ERICH6: variants seen among roughly 807,000 people sequenced by gnomAD.
ERICH6 encodes the protein glutamate rich 6.
Under a neutral mutation model 71.0 loss-of-function variants are expected in ERICH6, and 71 were observed. The ratio of observed to expected loss-of-function variants is 1.00; its 90% CI spans 0.83 to 1.22. ERICH6 has a LOEUF of 1.22. Among genes scored for constraint, ERICH6 ranks in the 50% most tolerant of loss-of-function variants. The pLI is 0.00. For synonymous variants in ERICH6, 262 were observed against 278.4 expected, an observed-to-expected ratio of 0.94 and a Z score of 0.59; for missense variants, 808 against 797.2, an observed-to-expected ratio of 1.01 and a Z score of -0.16.
At position 150,682,266 on chromosome 3, in the gene ERICH6, T is replaced by C. The variant is rs367591125; in HGVS notation, c.834A>G (p.Leu278=). The C allele has an allele frequency of 6.8e-6, 11 of 1,613,770 alleles. No homozygotes were observed. The African/African-American group carries it at 1.2e-4, about 18-fold the overall frequency. The part of the protein sequence containing the change: ...SPKCEFCGSD[L]RAFFSNVDVS... ...CATCCACATTAGAAAAAAATGCTCT[T>C]AGATCGCTGCCACAAAATTCACATT... is the stretch of plus-strand genomic sequence containing the variant. The change falls in exon 7 of 14, where the codon CTA becomes CTG. Residue 278 remains leucine, a synonymous_variant. Transcript: ENST00000295910.
At position 150,685,795 on chromosome 3, in the gene ERICH6, G is replaced by A; in HGVS notation, c.730C>T (p.Pro244Ser). 1 of 1,614,064 alleles carries A rather than the reference G, an allele frequency of 6.2e-7. No individual in the cohort carries two copies. The highest frequency in any genetic ancestry group is 8.5e-7 in the Non-Finnish European group (1 of 1,180,018). The part of the protein sequence containing the change: ...SLRTLPSIGP[P>S]SILAYKEESS... ...TCTTCTTTGTATGCCAGAATGGATG[G>A]TGGTCCGATGCTGGGTAACGTTCTT... Residue 244 changes from proline to serine, a missense_variant, in exon 6 of 14, where the codon CCA (proline) becomes TCA (serine). Physicochemically the swap from Pro to Ser is moderately conservative, Grantham distance 74. Around this residue, in one of 3 missense-constraint regions of ERICH6, gnomAD observed 736 missense variants for 712.2 expected, o/e 1.03. Coordinates refer to ENST00000295910, the MANE Select transcript of ERICH6 (RefSeq NM_152394.5).
At chr3:150,666,686 A>G in intron 13 of ERICH6, 101 bp downstream of exon 13, 1 of 1,007,900 alleles carries the variant, frequency 9.9e-7, no homozygotes, top group South Asian at 1.7e-5. Context: ...TGGACAGTAG[A>G]TTATGCACTA....
intron 11 of ERICH6, among the ~76,000 whole-genome samples, chr3:150,672,797 G>A (rs574830800): frequency 5.3e-5 from 8 of 151,000 alleles, no homozygotes; most frequent in Non-Finnish European, 1.2e-4. Context: ...GACTGGGGTG[G>A]GAGGATCGCT....
intron 13 of ERICH6, among the ~76,000 whole-genome samples, chr3:150,665,689 T>G (rs987323863): frequency 6.6e-6 from 1 of 150,644 alleles, no homozygotes; most frequent in African/African-American, 2.4e-5. Context: ...TAGCCGGGCA[T>G]GGTGGTGGGC....
At chr3:150,667,116 C>G in intron 12 of ERICH6, 101 bp from the exon 13 acceptor site, 1 of 1,080,032 alleles carries the variant, frequency 9.3e-7, no homozygotes, top group Non-Finnish European at 1.4e-6. Context: ...ACGGTTTATG[C>G]CAGCGATTAG....
At chr3:150,676,689 C>T (rs972342235) in intron 10 of ERICH6, among the ~76,000 whole-genome samples, 2 of 152,114 alleles carry the variant, frequency 1.3e-5, no homozygotes, top group African/African-American at 4.8e-5. Context: ...GTCACCCAGG[C>T]TGGAGTGCAT....
Position 150,673,992 on chromosome 3 carries a change from A to C in ERICH6, c.1307T>G (p.Phe436Cys). The C allele has an allele frequency of 6.2e-7, 1 of 1,614,140 alleles. No homozygotes were observed. The highest frequency in any genetic ancestry group is 1.1e-5 in the South Asian group (1 of 91,070). The part of the protein sequence containing the change: ...LEKHYKHGSK[F>C]LTSFPDGTTQ... Reference sequence around the variant, plus strand: ...TGTCCCATCTGGAAATGAAGTCAGAAACTTGCTCCCATGTTTGTAGTGCTT... The same window carrying C: ...TGTCCCATCTGGAAATGAAGTCAGACACTTGCTCCCATGTTTGTAGTGCTT... Residue 436 changes from phenylalanine (F) to cysteine (C), a missense_variant, in exon 11 of 14, where the codon TTT (phenylalanine) becomes TGT (cysteine). Transcript: ENST00000295910.
Position 150,680,486 on chromosome 3 carries a change from T to C in ERICH6, c.1093A>G (p.Thr365Ala), listed in dbSNP as rs1711863557. Residue 365 changes from threonine (T) to alanine (A), a missense_variant, in exon 9 of 14, where the codon ACT (threonine) becomes GCT (alanine). Physicochemically the swap from Thr to Ala is moderately conservative, Grantham distance 58 (BLOSUM62 0). This residue lies in a region of ERICH6 where 736 missense variants were observed against 712.2 expected (regional missense o/e 1.03). Transcript: ENST00000295910. ...RHFAIISREQ[T>A]HFSEDDSKRL... ...AACTCACCATCTTCAGAGAAATGAG[T>C]CTGTTCCCTTGATATTATTGCAAAA... 17 of 1,614,186 alleles carry C rather than the reference T, an allele frequency of 1.1e-5. No individual in the cohort carries two copies. Among genetic ancestry groups the C allele is most frequent in the Non-Finnish European group, 1.4e-5 (17 of 1,180,026 alleles).
intron 13 of ERICH6, among the ~76,000 whole-genome samples, chr3:150,663,606 C>T (rs1391452071): frequency 6.6e-6 from 1 of 152,130 alleles, no homozygotes; most frequent in African/African-American, 2.4e-5. Flanking sequence ...TCCCAGATAG[C>T]TGAGACCACA....
intron 10 of ERICH6, among the ~76,000 whole-genome samples, chr3:150,674,554 T>G (rs1358467902): frequency 6.6e-6 from 1 of 152,190 alleles, no homozygotes; most frequent in Non-Finnish European, 1.5e-5. Context: ...TTCAAGAGTG[T>G]TTTGGTTACT....
At chr3:150,672,056 G>T (rs2108047005) in intron 11 of ERICH6, among the ~76,000 whole-genome samples, 1 of 152,024 alleles carries the variant, frequency 6.6e-6, no homozygotes, top group East Asian at 1.9e-4. Flanking sequence ...CAGTAATAGG[G>T]GATAGGTTAA....
intron 13 of ERICH6, among the ~76,000 whole-genome samples, chr3:150,661,603 G>T (rs1365064990): frequency 6.6e-6 from 1 of 152,164 alleles, no homozygotes; most frequent in Non-Finnish European, 1.5e-5. Flanking sequence ...TTTTCCGAGG[G>T]ACTTGAGAGA....
intron 3 of ERICH6, among the ~76,000 whole-genome samples, chr3:150,693,708 A>C (rs1712540423): frequency 6.6e-6 from 1 of 152,244 alleles, no homozygotes; most frequent in South Asian, 2.1e-4. Flanking sequence ...TCTTTAGTAA[A>C]AATGGGAAAC....
At chr3:150,670,481 CAAA>C (rs542493653) in intron 11 of ERICH6, among the ~76,000 whole-genome samples, 4 of 45,180 alleles carry the variant, frequency 8.9e-5, no homozygotes, top group Admixed American at 2.5e-4. Context: ...GACTCCATCT[CAAA>C]AAAAAAAAAA....
chr3:150,686,217 G>C (rs1037206080), intron 4 of ERICH6, 81 bp downstream of exon 4: 7 of 1,493,896 alleles, frequency 4.7e-6, no homozygotes, highest in Non-Finnish European at 6.5e-6. Flanking sequence ...AAAGCAGATG[G>C]GCTCTGTGCG....
intron 2 of ERICH6, among the ~76,000 whole-genome samples, chr3:150,700,340 A>T (rs1468483567): frequency 9.4e-6 from 1 of 106,206 alleles, no homozygotes; most frequent in Non-Finnish European, 2.0e-5. Flanking sequence ...GTTTTTATTT[A>T]TTTTTTTATT....
chr3:150,702,000 C>G, intron 2 of ERICH6, 121 bp downstream of exon 2: 1 of 703,992 alleles, frequency 1.4e-6, no homozygotes, highest in South Asian at 1.8e-5. Context: ...TTAAAAAAAA[C>G]TTTTTAAAAT....
intron 6 of ERICH6, among the ~76,000 whole-genome samples, chr3:150,683,734 CT>C (rs1170843655): frequency 1.3e-5 from 2 of 152,128 alleles, no homozygotes; most frequent in Non-Finnish European, 2.9e-5. Context: ...AGCACTCCAG[CT>C]TGGGTGACAG....
intron 2 of ERICH6, among the ~76,000 whole-genome samples, chr3:150,700,560 C>A (rs1011726347): frequency 6.6e-6 from 1 of 151,514 alleles, no homozygotes; most frequent in South Asian, 2.1e-4. Flanking sequence ...AACAGAGAGT[C>A]AAAAAGTTTA....
Sources: gnomAD v4.1 joint callset for allele counts (sites outside exome capture counted in the v4.1 genomes callset) on GRCh38, gnomAD v4.1.1 for gene constraint, gnomAD v4.1.1 regional missense constraint, MANE v1.5 for transcripts, NCBI Gene and HGNC (gene_info 2026-07-23, HGNC 2026-07-21) for gene names.